The following AFTPH variants were observed in gnomAD, a reference collection of about 807,000 sequenced individuals.
AFTPH encodes the protein aftiphilin, also known as aftiphilin protein.
In AFTPH, 7 loss-of-function variants were observed where a neutral mutation model predicts 72.5. The observed-to-expected ratio is 0.10, with a 90% CI of 0.05 to 0.18. AFTPH has a LOEUF of 0.18. AFTPH is among the 10% of genes least tolerant of loss of function. AFTPH has a pLI of 1.00. For synonymous variants in AFTPH, 337 were observed against 370.1 expected (o/e 0.91, Z 1.03); for missense variants, 979 against 1,060.5 (o/e 0.92, Z 1.07).
chr2:64,527,543 G>A (rs1669349894), intron 1 of AFTPH, among the ~76,000 whole-genome samples: 1 of 149,588 alleles, frequency 6.7e-6, no homozygotes, highest in Admixed American at 6.7e-5. Context: ...TCATGCCAGT[G>A]CACTCCAGCC....
exon 5 of AFTPH, chr2:64,569,670 A>C: frequency 6.2e-7 from 1 of 1,613,734 alleles, no homozygotes; most frequent in Non-Finnish European, 8.5e-7. Context: ...CCATGTATGC[A>C]GCAGGATTGG....
At chr2:64,538,933 G>C (rs1377710252) in intron 1 of AFTPH, among the ~76,000 whole-genome samples, 1 of 152,178 alleles carries the variant, frequency 6.6e-6, no homozygotes, top group East Asian at 1.9e-4. Flanking sequence ...AGCACTGTCA[G>C]AGGAATGGCA....
intron 8 of AFTPH, among the ~76,000 whole-genome samples, chr2:64,591,431 A>C (rs1230383826): frequency 6.6e-6 from 1 of 152,258 alleles, no homozygotes; most frequent in South Asian, 2.1e-4. Context: ...CCTGAGGTTA[A>C]AATGACTTAG....
rs188276912 is a variant in AFTPH, at chr2:64,550,127, A to C, written c.-32-1316A>C. ...CATAGTAATCTGTACATGAATGTTC[A>C]TAGCAGTTTTATTTGTAATAGGAAA... is the stretch of plus-strand genomic sequence containing the variant. On this transcript the variant is annotated intron_variant, in intron 1 of 8. Coordinates refer to ENST00000238856, the Ensembl canonical transcript of AFTPH. Among the ~76,000 whole-genome samples the C allele has an allele frequency of 1.1e-4, 17 of 152,370 alleles. No individual in the cohort carries two copies. The East Asian group carries it at 3.3e-3, about 29-fold the overall frequency.
intron 6 of AFTPH, among the ~76,000 whole-genome samples, 163 bp from the exon 7 acceptor site, chr2:64,579,323 G>T (rs1024630506): frequency 1.3e-5 from 2 of 152,074 alleles, no homozygotes; most frequent in Non-Finnish European, 2.9e-5. Flanking sequence ...ATTTCAGTTT[G>T]TGCTGATATT....
At chr2:64,545,230 A>G (rs796395052) in intron 1 of AFTPH, among the ~76,000 whole-genome samples, 1 of 152,130 alleles carries the variant, frequency 6.6e-6, no homozygotes, top group South Asian at 2.1e-4. Context: ...AAAATGGTAC[A>G]GCTACTCTGG....
chr2:64,551,770 C>T (rs1378130065), exon 2 of AFTPH: 2 of 1,613,466 alleles, frequency 1.2e-6, no homozygotes, highest in Non-Finnish European at 8.5e-7. Flanking sequence ...CTTTCTGCTC[C>T]TGTGAAAGGA....
chr2:64,548,923 C>T (rs570599193), intron 1 of AFTPH, among the ~76,000 whole-genome samples: 147 of 152,230 alleles, frequency 9.7e-4, no homozygotes, highest in Non-Finnish European at 1.7e-3. Context: ...ACAATGGAGC[C>T]TTTTCCTTTT....
chr2:64,588,462 G>C (rs998096095), intron 8 of AFTPH, among the ~76,000 whole-genome samples: 10 of 152,130 alleles, frequency 6.6e-5, no homozygotes, highest in Non-Finnish European at 1.5e-5. Context: ...TGGAATTTCT[G>C]GGTCTTATAG....
chr2:64,547,662 T>A (rs577140159), intron 1 of AFTPH, among the ~76,000 whole-genome samples: 1 of 152,358 alleles, frequency 6.6e-6, no homozygotes, highest in African/African-American at 2.4e-5. Flanking sequence ...TGGGTTATAA[T>A]CCATTATTAT....
Position 64,584,697 on chromosome 2 carries a change from T to C in AFTPH, c.2456-725T>C, listed in dbSNP as rs190941399. On this transcript the variant is annotated intron_variant, in intron 7 of 8. Transcript: ENST00000238856. ...CTGCAAGCTCCGCCTTCCGGGTTCA[T>C]GCCATTCTCCTGCCCCAGCCTCCTG... 4.9e-3 allele frequency among the ~76,000 whole-genome samples: 732 copies of C among 150,072 alleles called. 3 individuals are homozygous for C. The highest frequency in any genetic ancestry group is 0.01 in the Middle Eastern group (3 of 292).
chr2:64,591,012 T>C (rs1483760684), intron 8 of AFTPH, among the ~76,000 whole-genome samples: 2 of 152,230 alleles, frequency 1.3e-5, no homozygotes, highest in South Asian at 2.1e-4. Flanking sequence ...TGATTTTTGG[T>C]CTAAAGCGAA....
chr2:64,553,465 A>G (rs1183170562), intron 2 of AFTPH, 56 bp downstream of exon 2: 21 of 1,488,154 alleles, frequency 1.4e-5, no homozygotes, highest in Non-Finnish European at 8.9e-7. Flanking sequence ...GGAGGCTTCT[A>G]ATTTCAGCTT....
chr2:64,579,409 A>AT, intron 6 of AFTPH, 77 bp from the exon 7 acceptor site: 8 of 1,166,992 alleles, frequency 6.9e-6, no homozygotes, highest in Admixed American at 4.1e-5. Context: ...GTCTTGCTAT[A>AT]ATTTTTTTTT....
intron 1 of AFTPH, among the ~76,000 whole-genome samples, chr2:64,531,298 C>A (rs1192949159): frequency 2.0e-5 from 3 of 152,068 alleles, no homozygotes; most frequent in Non-Finnish European, 4.4e-5. Context: ...GAGGGAAAGC[C>A]TGTTACTTTC....
At position 64,575,746 on chromosome 2, in the gene AFTPH, TA is replaced by T. The variant is rs1461960168; in HGVS notation, c.2394+2679del. ...GTGTGTGTGTGTGTGTGTGTGTATATATTTTTTTTGGAGGTAGAGTCTTGCT... is the reference window on the plus strand; with the variant it reads ...GTGTGTGTGTGTGTGTGTGTGTATATTTTTTTTTGGAGGTAGAGTCTTGCT... On this transcript the variant is annotated intron_variant, in intron 6 of 8. Coordinates refer to ENST00000238856, the Ensembl canonical transcript of AFTPH. 6.6e-4 allele frequency among the ~76,000 whole-genome samples: 95 copies of T among 145,026 alleles called. 1 individual carries two copies. Among genetic ancestry groups the T allele is most frequent in the African/African-American group, 2.1e-3 (76 of 36,726 alleles).
At chr2:64,583,591 A>G (rs760959662) in intron 7 of AFTPH, among the ~76,000 whole-genome samples, 1 of 152,168 alleles carries the variant, frequency 6.6e-6, no homozygotes, top group African/African-American at 2.4e-5. Flanking sequence ...ACTAGACAGC[A>G]ACTTAAATTT....
intron 1 of AFTPH, among the ~76,000 whole-genome samples, chr2:64,525,087 A>G (rs1219713142): frequency 6.6e-6 from 1 of 152,160 alleles, no homozygotes; most frequent in Non-Finnish European, 1.5e-5. Flanking sequence ...TGCTGCTTCC[A>G]AGGGTCTCTG....
intron 1 of AFTPH, among the ~76,000 whole-genome samples, chr2:64,540,200 A>G (rs897279817): frequency 1.3e-5 from 2 of 152,126 alleles, no homozygotes; most frequent in Non-Finnish European, 2.9e-5. Context: ...TAGAGTGACT[A>G]ATTTATTCTG....
Sources: gnomAD v4.1 joint callset for allele counts (sites outside exome capture counted in the v4.1 genomes callset) on GRCh38, gnomAD v4.1.1 for gene constraint, MANE v1.5 for transcripts, NCBI Gene and HGNC (gene_info 2026-07-23, HGNC 2026-07-21) for gene names.